Variants in IL1RAPL1 observed in about 807,000 individuals in gnomAD.
The protein encoded by IL1RAPL1 is interleukin-1 receptor accessory protein-like 1.
Under a neutral mutation model 48.4 loss-of-function variants are expected in IL1RAPL1, and 3 were observed. The observed-to-expected ratio is 0.06, with a 90% CI of 0.03 to 0.16. IL1RAPL1 has a LOEUF of 0.16. Among genes scored for constraint, IL1RAPL1 ranks in the 10% least tolerant of loss-of-function variants. The pLI, the probability that IL1RAPL1 is intolerant of heterozygous loss-of-function variation, is 1.00. For synonymous variants in IL1RAPL1, 185 were observed against 187.7 expected (o/e 0.99, Z 0.12); for missense variants, 349 against 530.6 (o/e 0.66, Z 3.36).
intron 5 of IL1RAPL1, among the ~76,000 whole-genome samples, chrX:29,616,484 C>T (rs1924291991): frequency 9.6e-6 from 1 of 103,630 alleles, no homozygotes; most frequent in Non-Finnish European, 2.0e-5. Flanking sequence ...CCCCCCTCCC[C>T]CTACCCCACA....
intron 2 of IL1RAPL1, among the ~76,000 whole-genome samples, chrX:29,208,740 A>AATAATAATAATAAT (rs1455071954): frequency 1.0e-4 from 11 of 106,792 alleles, no homozygotes; most frequent in African/African-American, 3.1e-4. Flanking sequence ...AATAATAAAT[A>AATAATAATAATAAT]AATAAATAAA....
intron 2 of IL1RAPL1, among the ~76,000 whole-genome samples, chrX:28,894,341 G>C (rs981266640): frequency 1.8e-5 from 2 of 111,634 alleles, no homozygotes; most frequent in African/African-American, 6.5e-5. Context: ...CTGGTGAGTG[G>C]CGATTAGGCC....
At chrX:29,538,307 T>C (rs1569333874) in intron 5 of IL1RAPL1, among the ~76,000 whole-genome samples, 1 of 106,638 alleles carries the variant, frequency 9.4e-6, no homozygotes, top group Non-Finnish European at 1.9e-5. Flanking sequence ...ATGTGTAATA[T>C]ATATAATCTT....
chrX:29,732,546 T>C (rs762398647), intron 6 of IL1RAPL1, among the ~76,000 whole-genome samples: 18 of 111,997 alleles, frequency 1.6e-4, no homozygotes, highest in Non-Finnish European at 1.9e-5. Context: ...AAAAATGGTG[T>C]AGACTTTCAA....
intron 2 of IL1RAPL1, among the ~76,000 whole-genome samples, chrX:29,211,641 T>G (rs1930771244): frequency 9.0e-6 from 1 of 110,922 alleles, no homozygotes; most frequent in Admixed American, 9.7e-5. Flanking sequence ...GAAAAAACAT[T>G]CAATTGGGAG....
At chrX:29,542,821 A>G (rs1921484149) in intron 5 of IL1RAPL1, among the ~76,000 whole-genome samples, 1 of 112,091 alleles carries the variant, frequency 8.9e-6, no homozygotes, top group Non-Finnish European at 1.9e-5. Flanking sequence ...TTAACATAAT[A>G]CAGAAATGAA....
chrX:28,951,604 G>A (rs1924468282), intron 2 of IL1RAPL1, among the ~76,000 whole-genome samples: 1 of 110,762 alleles, frequency 9.0e-6, no homozygotes, highest in South Asian at 3.7e-4. Context: ...GAACAGAATT[G>A]ATATCTGCTT....
intron 6 of IL1RAPL1, among the ~76,000 whole-genome samples, chrX:29,801,865 A>G (rs2057285664): frequency 8.9e-6 from 1 of 111,843 alleles, no homozygotes; most frequent in Non-Finnish European, 1.9e-5. Flanking sequence ...TCAGTTTTAT[A>G]TCCTGTTAAA....
intron 2 of IL1RAPL1, among the ~76,000 whole-genome samples, chrX:29,084,950 C>T: frequency 8.9e-6 from 1 of 112,098 alleles, no homozygotes. Flanking sequence ...GCCTCGGCCT[C>T]CCAAAGTGCT....
chrX:29,700,412 A>T (rs1361163640), intron 6 of IL1RAPL1, among the ~76,000 whole-genome samples: 1 of 111,742 alleles, frequency 8.9e-6, no homozygotes, highest in Admixed American at 9.5e-5. Context: ...CACTTGCTTC[A>T]GTTCATTTTG....
At chrX:29,236,545 C>CT (rs754996544) in intron 2 of IL1RAPL1, among the ~76,000 whole-genome samples, 1,568 of 62,805 alleles carry the variant, frequency 0.025, 100 homozygotes, top group African/African-American at 0.076. Context: ...CTTTTTTTTT[C>CT]TTTTTTTTTT....
intron 6 of IL1RAPL1, among the ~76,000 whole-genome samples, chrX:29,865,932 G>A (rs183923975): frequency 1.8e-4 from 20 of 109,676 alleles, no homozygotes; most frequent in African/African-American, 6.3e-4. Context: ...TTACAGGCGT[G>A]AGCCACTGTG....
At chrX:29,610,385 CTAT>C (rs1351818778) in intron 5 of IL1RAPL1, among the ~76,000 whole-genome samples, 1 of 111,760 alleles carries the variant, frequency 8.9e-6, no homozygotes, top group Admixed American at 9.5e-5. Context: ...TTCAAAAATA[CTAT>C]ATTTCCCGTA....
intron 5 of IL1RAPL1, among the ~76,000 whole-genome samples, chrX:29,507,789 G>A (rs1016647406): frequency 2.6e-4 from 29 of 111,123 alleles, no homozygotes; most frequent in African/African-American, 9.2e-4. Flanking sequence ...TGAGGAATAA[G>A]TAGGATTTAG....
chrX:29,579,438 T>C (rs1199586382), intron 5 of IL1RAPL1, among the ~76,000 whole-genome samples: 1 of 111,619 alleles, frequency 9.0e-6, no homozygotes, highest in African/African-American at 3.3e-5. Context: ...ATTATGAGAA[T>C]TGAACTTTGA....
At chrX:29,331,995 G>C (rs2147634198) in intron 3 of IL1RAPL1, among the ~76,000 whole-genome samples, 1 of 104,195 alleles carries the variant, frequency 9.6e-6, no homozygotes, top group East Asian at 3.3e-4. Context: ...TGTGCAATAA[G>C]TTAACTATTA....
intron 2 of IL1RAPL1, among the ~76,000 whole-genome samples, chrX:29,243,121 T>C (rs1285618662): frequency 2.7e-5 from 3 of 112,060 alleles, no homozygotes; most frequent in African/African-American, 9.7e-5. Context: ...GGAGTTCATC[T>C]CCAGTCTTTC....
intron 6 of IL1RAPL1, among the ~76,000 whole-genome samples, chrX:29,741,132 G>A (rs1377337580): frequency 1.8e-5 from 2 of 112,258 alleles, no homozygotes; most frequent in Non-Finnish European, 3.8e-5. Flanking sequence ...CTTGAAATAA[G>A]ACTGTGGAGA....
chrX:29,723,886 C>T (rs1399890419), intron 6 of IL1RAPL1, among the ~76,000 whole-genome samples: 4 of 111,253 alleles, frequency 3.6e-5, no homozygotes, highest in Non-Finnish European at 5.7e-5. Flanking sequence ...GTGATCTGAG[C>T]TCACTGCAAC....
Sources: gnomAD v4.1 joint callset for allele counts (sites outside exome capture counted in the v4.1 genomes callset) on GRCh38, gnomAD v4.1.1 for gene constraint, MANE v1.5 for transcripts, NCBI Gene and HGNC (gene_info 2026-07-23, HGNC 2026-07-21) for gene names.